CLPB: variants seen among roughly 807,000 people sequenced by gnomAD.
CLPB encodes mitochondrial disaggregase.
A neutral mutation model predicts 78.4 loss-of-function variants in CLPB; 40 were observed. That is an observed-to-expected ratio of 0.51 (90% confidence interval 0.40 to 0.66). The LOEUF (loss-of-function observed/expected upper bound fraction) is 0.66. CLPB is among the 30% of genes least tolerant of loss of function. The pLI is 0.00. For synonymous variants in CLPB, 333 were observed against 348.0 expected, an observed-to-expected ratio of 0.96 and a Z score of 0.48; for missense variants, 780 against 886.9, an observed-to-expected ratio of 0.88 and a Z score of 1.53.
intron 5 of CLPB, among the ~76,000 whole-genome samples, chr11:72,335,146 C>T (rs1025699029): frequency 6.6e-6 from 1 of 151,644 alleles, no homozygotes; most frequent in African/African-American, 2.4e-5. Flanking sequence ...GGTGGGTGGT[C>T]GTGGGGCTGA....
intron 4 of CLPB, 106 bp from the exon 5 acceptor site, chr11:72,359,114 T>A: frequency 1.3e-6 from 2 of 1,557,220 alleles, no homozygotes; most frequent in Non-Finnish European, 1.8e-6. Context: ...TCTACCTACT[T>A]ACTAAGCATA....
chr11:72,432,570 TAA>T (rs1168485238), intron 1 of CLPB, among the ~76,000 whole-genome samples: 4 of 152,184 alleles, frequency 2.6e-5, no homozygotes, highest in African/African-American at 7.2e-5. Flanking sequence ...GATTTTGTGT[TAA>T]GTTAGGACTT....
chr11:72,413,400 G>C (rs1229007904), intron 2 of CLPB, among the ~76,000 whole-genome samples: 1 of 150,222 alleles, frequency 6.7e-6, no homozygotes, highest in East Asian at 1.9e-4. Flanking sequence ...TTTTTTGCTG[G>C]ACCATGTGAG....
chr11:72,322,243 C>T (rs1420963102), intron 6 of CLPB, among the ~76,000 whole-genome samples: 1 of 152,094 alleles, frequency 6.6e-6, no homozygotes, highest in Non-Finnish European at 1.5e-5. Context: ...TCTTCCAGTC[C>T]ATCCTCCTTT....
At chr11:72,427,121 C>G (rs1856405954) in intron 2 of CLPB, among the ~76,000 whole-genome samples, 1 of 152,214 alleles carries the variant, frequency 6.6e-6, no homozygotes, top group African/African-American at 2.4e-5. Flanking sequence ...GTGGAGGACC[C>G]ACATCCAGGG....
chr11:72,319,329 CA>C (rs965565645), intron 6 of CLPB, among the ~76,000 whole-genome samples: 2 of 152,242 alleles, frequency 1.3e-5, no homozygotes, highest in African/African-American at 4.8e-5. Context: ...CAGTGCCTAG[CA>C]AAGGGCCTGG....
At chr11:72,415,290 A>G (rs1217443664) in intron 2 of CLPB, among the ~76,000 whole-genome samples, 1 of 152,208 alleles carries the variant, frequency 6.6e-6, no homozygotes, top group East Asian at 1.9e-4. Context: ...ATGGAGCCAC[A>G]CTGCCTTCCA....
At position 72,315,522 on chromosome 11, in the gene CLPB, G is replaced by A. The variant is rs375511568; in HGVS notation, c.988+1584C>T. 3.9e-5 allele frequency among the ~76,000 whole-genome samples: 6 copies of A among 152,190 alleles called. No homozygotes were observed. The South Asian group carries it at 6.2e-4, about 16-fold the overall frequency. On this transcript the variant is annotated intron_variant, in intron 7 of 15. Coordinates refer to ENST00000538039, the MANE Select transcript of CLPB (RefSeq NM_001258392.3). ...GTGAGGCTGACGCTTTATCTCCTCC[G>A]TTTGTAAGGTGGTAACTGTGCGCCA...
chr11:72,360,726 C>G (rs961652436), intron 4 of CLPB, among the ~76,000 whole-genome samples: 2 of 152,154 alleles, frequency 1.3e-5, no homozygotes, highest in Non-Finnish European at 2.9e-5. Context: ...CGTGAGCCAC[C>G]GCGCCCAGCC....
intron 3 of CLPB, among the ~76,000 whole-genome samples, chr11:72,382,083 C>G (rs966727190): frequency 6.6e-6 from 1 of 151,968 alleles, no homozygotes; most frequent in African/African-American, 2.4e-5. Context: ...CAGACCCAGG[C>G]TCCGTGCCTG....
At chr11:72,381,624 C>T (rs75594565) in intron 3 of CLPB, among the ~76,000 whole-genome samples, 1 of 152,154 alleles carries the variant, frequency 6.6e-6, no homozygotes, top group African/African-American at 2.4e-5. Context: ...GGGCATGAAT[C>T]CAGGCTTCAG....
chr11:72,413,267 C>A (rs1339218800), intron 2 of CLPB, among the ~76,000 whole-genome samples: 36 of 151,044 alleles, frequency 2.4e-4, no homozygotes. Context: ...CCAGCCTGGG[C>A]AACCAAAGCG....
chr11:72,333,040 C>T (rs142931963), intron 5 of CLPB: 41 of 152,286 alleles, frequency 2.7e-4, no homozygotes, highest in African/African-American at 9.9e-4. Flanking sequence ...GTGCTCGGTA[C>T]TTTCTGAGGG....
chr11:72,416,730 C>T (rs143783766), intron 2 of CLPB, among the ~76,000 whole-genome samples: 2,257 of 129,890 alleles, frequency 0.017, 59 homozygotes, highest in African/African-American at 0.064. Context: ...AGCAAGACTC[C>T]GTCTCAAAAA....
intron 5 of CLPB, among the ~76,000 whole-genome samples, chr11:72,332,231 C>T (rs532767786): frequency 1.3e-5 from 2 of 151,784 alleles, no homozygotes; most frequent in South Asian, 2.1e-4. Context: ...GCCTGTAGTC[C>T]CAGCAATTTG....
intron 9 of CLPB, chr11:72,302,565 A>C: frequency 1.9e-6 from 1 of 537,908 alleles, no homozygotes. Flanking sequence ...AAAGACCCAA[A>C]TCATGTACCT....
intron 2 of CLPB, among the ~76,000 whole-genome samples, chr11:72,427,098 C>T (rs1282156439): frequency 6.6e-6 from 1 of 152,214 alleles, no homozygotes; most frequent in African/African-American, 2.4e-5. Context: ...ATACAGATGG[C>T]AGAGGGCCAT....
chr11:72,379,330 G>C (rs915693252), intron 4 of CLPB, among the ~76,000 whole-genome samples: 2 of 152,234 alleles, frequency 1.3e-5, no homozygotes, highest in East Asian at 1.9e-4. Flanking sequence ...GGCAATGTCA[G>C]AGGGATCGCA....
Position 72,287,128 on chromosome 11 carries a change from A to T in CLPB, c.*6239T>A, listed in dbSNP as rs2135475582. The T allele has an allele frequency of 6.6e-6, 1 of 152,212 alleles. No homozygotes were observed. The highest frequency in any genetic ancestry group is 1.9e-4 in the East Asian group (1 of 5,180). 9.4% of individuals were successfully genotyped at this position (152,212 alleles called of 1,614,324 possible). A position where few individuals can be genotyped will look rare whatever the true frequency, so the allele number is the denominator to read the frequency against. ...TTTTGCATCTATGGCCATAGGTGAGATTAGGCTATAGCATTCTTTCTGGCA... is the reference window on the plus strand; with the variant it reads ...TTTTGCATCTATGGCCATAGGTGAGTTTAGGCTATAGCATTCTTTCTGGCA... On this transcript the variant is annotated 3_prime_UTR_variant, in exon 16 of 16. Coordinates refer to ENST00000538039, the MANE Select transcript of CLPB (RefSeq NM_001258392.3).
Sources: allele counts gnomAD v4.1 joint callset (sites outside exome capture counted in the v4.1 genomes callset), GRCh38; gene constraint gnomAD v4.1.1; transcripts MANE v1.5; gene names NCBI Gene and HGNC (gene_info 2026-07-23, HGNC 2026-07-21).